The following TENM2 variants were observed in gnomAD, a reference collection of about 807,000 sequenced individuals.
TENM2 encodes the protein teneurin transmembrane protein 2, also known as teneurin-2.
A neutral mutation model predicts 245.2 loss-of-function variants in TENM2; 52 were observed. The ratio of observed to expected loss-of-function variants is 0.21; its 90% confidence interval spans 0.17 to 0.27. The LOEUF (loss-of-function observed/expected upper bound fraction) is 0.27, where lower values mean the gene tolerates loss of function less well. Ranked by LOEUF, TENM2 falls within the 10% of genes least tolerant of loss-of-function variation. TENM2 has a pLI of 1.00. For missense variants in TENM2, 3,046 were observed against 3,666.8 expected (o/e 0.83, Z 4.37); for synonymous variants, 1,363 against 1,438.9 (o/e 0.95, Z 1.19).
chr5:168,248,464 A>G, intron 27 of TENM2, 93 bp downstream of exon 29: 2 of 1,317,826 alleles, frequency 1.5e-6, no homozygotes, highest in Non-Finnish European at 2.1e-6. Flanking sequence ...ATCTTATGGT[A>G]GGAGAAGCCC....
chr5:167,234,894 G>T, the TENM2 span, among the ~76,000 whole-genome samples: 1 of 152,120 alleles, frequency 6.6e-6, no homozygotes, highest in East Asian at 1.9e-4. Context: ...TACCTTGTAT[G>T]GTTTCCAGTG....
the TENM2 span, among the ~76,000 whole-genome samples, chr5:167,029,093 C>G: frequency 3.3e-5 from 5 of 152,114 alleles, no homozygotes; most frequent in Non-Finnish European, 7.3e-5. Context: ...TTAAACAACA[C>G]TGTACTTAAT....
At chr5:167,922,445 T>G (rs1165698108) in intron 3 of TENM2, among the ~76,000 whole-genome samples, 1 of 152,214 alleles carries the variant, frequency 6.6e-6, no homozygotes, top group Non-Finnish European at 1.5e-5. Flanking sequence ...TCCTTTTCTT[T>G]CTGACTCTGT....
At chr5:167,023,867 C>A in the TENM2 span, among the ~76,000 whole-genome samples, 75,094 of 151,894 alleles carry the variant, frequency 0.49, 18,889 homozygotes, top group Admixed American at 0.59. Context: ...GACGGAAAAC[C>A]CAGTATCTGC....
chr5:167,811,586 G>A (rs1766646025), intron 2 of TENM2, among the ~76,000 whole-genome samples: 1 of 152,128 alleles, frequency 6.6e-6, no homozygotes, highest in Non-Finnish European at 1.5e-5. Flanking sequence ...TTATGGAAAT[G>A]CAAGAATGAC....
chr5:167,348,808 A>G (rs773042956), intron 1 of TENM2, among the ~76,000 whole-genome samples: 2 of 152,182 alleles, frequency 1.3e-5, no homozygotes, highest in African/African-American at 2.4e-5. Context: ...TGCCGTTACA[A>G]TAATACTGCC....
At chr5:167,157,042 TCA>T in the TENM2 span, among the ~76,000 whole-genome samples, 1 of 152,212 alleles carries the variant, frequency 6.6e-6, no homozygotes, top group Non-Finnish European at 1.5e-5. Context: ...CAGGTGTGCT[TCA>T]TAATATCCCA....
At chr5:168,111,206 CCTT>C (rs1199082240) in intron 9 of TENM2, among the ~76,000 whole-genome samples, 1 of 152,184 alleles carries the variant, frequency 6.6e-6, no homozygotes, top group Admixed American at 6.5e-5. Flanking sequence ...AGTTTTTTGT[CCTT>C]CTGGAAATTC....
chr5:167,467,516 GAA>G (rs10585036), intron 2 of TENM2, among the ~76,000 whole-genome samples: 4,601 of 145,578 alleles, frequency 0.032, 146 homozygotes, highest in East Asian at 0.17. Flanking sequence ...TCTTGTTTGA[GAA>G]AAAAAAAAAA....
chr5:167,853,259 C>T (rs1770753138), intron 2 of TENM2, among the ~76,000 whole-genome samples: 1 of 100,042 alleles, frequency 1.0e-5, no homozygotes, highest in Non-Finnish European at 2.0e-5. Flanking sequence ...CACTGCACTC[C>T]AGCCTGGGAG....
Position 168,026,469 on chromosome 5 carries a change from T to G in TENM2, c.1187-20958T>G, listed in dbSNP as rs1264074339. 3.3e-5 allele frequency among the ~76,000 whole-genome samples: 5 copies of G among 152,214 alleles called. No individual in the cohort carries two copies. In the East Asian group the frequency reaches 9.6e-4, roughly 29 times the overall value. ...CTTATTATGTGAATTTTGAGCCTGA[T>G]AGCTGAGAATGGAAACCATGGATTT... On this transcript the variant is annotated intron_variant, in intron 5 of 28. Transcript: ENST00000518659.
chr5:167,613,933 CT>C (rs1331930649), intron 2 of TENM2, among the ~76,000 whole-genome samples: 2 of 152,066 alleles, frequency 1.3e-5, no homozygotes, highest in African/African-American at 4.8e-5. Context: ...ATGTTTATTG[CT>C]TGTTTTCTTT....
the TENM2 span, among the ~76,000 whole-genome samples, chr5:167,184,060 C>G: frequency 6.6e-6 from 1 of 152,140 alleles, no homozygotes. Context: ...GGCCACTCAA[C>G]CTATGTACAC....
chr5:167,194,200 A>G, the TENM2 span, among the ~76,000 whole-genome samples: 1 of 152,066 alleles, frequency 6.6e-6, no homozygotes, highest in Non-Finnish European at 1.5e-5. Flanking sequence ...CACGAGAAAA[A>G]TCACTTCCCT....
chr5:168,255,386 C>T (rs1767558486), intron 27 of TENM2, among the ~76,000 whole-genome samples: 5 of 152,100 alleles, frequency 3.3e-5, no homozygotes, highest in Admixed American at 3.3e-4. Flanking sequence ...ACTGCAACCT[C>T]CACCTCCTGG....
intron 4 of TENM2, among the ~76,000 whole-genome samples, chr5:167,988,266 G>T (rs939641980): frequency 1.3e-5 from 2 of 152,118 alleles, no homozygotes; most frequent in African/African-American, 2.4e-5. Context: ...TCTTGGAAAA[G>T]GTTGTAAGTT....
the TENM2 span, among the ~76,000 whole-genome samples, chr5:167,156,013 A>G: frequency 6.6e-6 from 1 of 152,184 alleles, no homozygotes; most frequent in Admixed American, 6.5e-5. Flanking sequence ...TGACTTTCAG[A>G]TGTCTTGTTA....
At chr5:167,024,628 G>T in the TENM2 span, among the ~76,000 whole-genome samples, 2 of 152,116 alleles carry the variant, frequency 1.3e-5, no homozygotes, top group Non-Finnish European at 2.9e-5. Flanking sequence ...AGAGCTTTGT[G>T]GGGGCAGAAA....
the TENM2 span, among the ~76,000 whole-genome samples, chr5:167,159,777 A>G: frequency 6.6e-6 from 1 of 152,180 alleles, no homozygotes; most frequent in Non-Finnish European, 1.5e-5. Flanking sequence ...AGACAAGCAC[A>G]CTTGAATCCA....
Sources: gnomAD v4.1 joint callset for allele counts (sites outside exome capture counted in the v4.1 genomes callset) on GRCh38, gnomAD v4.1.1 for gene constraint, MANE v1.5 for transcripts, NCBI Gene and HGNC (gene_info 2026-07-23, HGNC 2026-07-21) for gene names.